Variants in SETD3 observed in about 807,000 individuals in gnomAD.
SETD3 encodes actin-histidine N-methyltransferase.
A neutral mutation model predicts 63.0 loss-of-function variants in SETD3; 19 were observed. The ratio of observed to expected loss-of-function variants is 0.30; its 90% confidence interval spans 0.21 to 0.44. SETD3 has a LOEUF of 0.44. Ranked by LOEUF, SETD3 falls within the 20% of genes least tolerant of loss-of-function variation. The pLI, the probability that SETD3 is intolerant of heterozygous loss-of-function variation, is 1.00. For synonymous variants in SETD3, 286 were observed against 264.1 expected (o/e 1.08, Z -0.80); for missense variants, 587 against 728.5 (o/e 0.81, Z 2.24).
At chr14:99,452,692 T>G (rs971892822) in intron 6 of SETD3, among the ~76,000 whole-genome samples, 3 of 152,194 alleles carry the variant, frequency 2.0e-5, no homozygotes, top group African/African-American at 7.2e-5. Context: ...TAAGGTTGAA[T>G]GGACTATTAT....
chr14:99,446,594 C>A (rs771126028), intron 6 of SETD3, among the ~76,000 whole-genome samples: 1 of 152,136 alleles, frequency 6.6e-6, no homozygotes, highest in Non-Finnish European at 1.5e-5. Context: ...CAAACACCTG[C>A]GTCACAGGTA....
At chr14:99,460,702 A>G (rs1290774383) in intron 4 of SETD3, among the ~76,000 whole-genome samples, 1 of 152,184 alleles carries the variant, frequency 6.6e-6, no homozygotes, top group Non-Finnish European at 1.5e-5. Context: ...GGGGAGAAAA[A>G]GCCCTTCTTC....
intron 6 of SETD3, among the ~76,000 whole-genome samples, chr14:99,425,672 G>GA (rs1892841710): frequency 6.6e-6 from 1 of 152,238 alleles, no homozygotes; most frequent in Non-Finnish European, 1.5e-5. Context: ...TTAAGTGTCA[G>GA]AAAATAGCAA....
At chr14:99,449,704 T>C (rs1894349940) in intron 6 of SETD3, among the ~76,000 whole-genome samples, 1 of 152,184 alleles carries the variant, frequency 6.6e-6, no homozygotes, top group African/African-American at 2.4e-5. Context: ...ACAACACTGG[T>C]GAAATTCAAA....
intron 11 of SETD3, among the ~76,000 whole-genome samples, 160 bp from the exon 12 acceptor site, chr14:99,400,419 G>A (rs570924770): frequency 6.6e-6 from 1 of 152,210 alleles, no homozygotes; most frequent in African/African-American, 2.4e-5. Flanking sequence ...ACTCTCCAAA[G>A]TAGAGCAGAG....
At chr14:99,475,530 T>C (rs149065611) in intron 1 of SETD3, among the ~76,000 whole-genome samples, 55 of 152,384 alleles carry the variant, frequency 3.6e-4, no homozygotes, top group African/African-American at 1.3e-3. Flanking sequence ...TGCAGAGAAG[T>C]TCACCATCCT....
upstream of SETD3, among the ~76,000 whole-genome samples, chr14:99,485,484 C>G (rs1896461742): frequency 6.6e-6 from 1 of 152,144 alleles, no homozygotes; most frequent in African/African-American, 2.4e-5. Flanking sequence ...AAAGAGCTTT[C>G]TTTCTAAGGT....
In SETD3 at chr14:99,397,880, CTG is replaced by C. The variant is rs759096013; in HGVS notation, c.*797_*798del. The C allele has an allele frequency of 6.5e-6, 1 of 152,710 alleles. No individual in the cohort carries two copies. The highest frequency in any genetic ancestry group is 2.1e-4 in the South Asian group (1 of 4,820). The allele number at this position is 152,710 out of a possible 1,614,324, so 9.5% of individuals were successfully genotyped here. On this transcript the variant is annotated 3_prime_UTR_variant, in exon 13 of 13. Transcript: ENST00000331768. Reference sequence around the variant, plus strand: ...CACCACCACGTGAAGCTGTGGGCCGCTGTGTGTTTGCAAACTCTCCATTACCA... The same window carrying C: ...CACCACCACGTGAAGCTGTGGGCCGCTGTGTTTGCAAACTCTCCATTACCA...
intron 6 of SETD3, among the ~76,000 whole-genome samples, chr14:99,432,667 G>C (rs766632024): frequency 7.9e-5 from 12 of 152,194 alleles, no homozygotes. Flanking sequence ...GGATGCAGAC[G>C]TAACAGTGAC....
At chr14:99,425,180 C>A (rs944943495) in intron 6 of SETD3, among the ~76,000 whole-genome samples, 5 of 152,204 alleles carry the variant, frequency 3.3e-5, no homozygotes, top group African/African-American at 1.2e-4. Context: ...TGCACTGGCA[C>A]ACAAAATAAC....
intron 6 of SETD3, among the ~76,000 whole-genome samples, chr14:99,456,068 A>AC (rs1894741914): frequency 2.0e-5 from 3 of 152,172 alleles, no homozygotes; most frequent in Non-Finnish European, 4.4e-5. Context: ...AGGTGGGAGG[A>AC]TTGCTTGAGC....
chr14:99,443,049 T>C (rs1254241075), intron 6 of SETD3, among the ~76,000 whole-genome samples: 2 of 152,140 alleles, frequency 1.3e-5, no homozygotes, highest in African/African-American at 2.4e-5. Context: ...TATCTTCTGA[T>C]AGGGAGAGTT....
intron 6 of SETD3, among the ~76,000 whole-genome samples, chr14:99,434,823 G>A (rs1157584017): frequency 1.5e-5 from 2 of 129,744 alleles, no homozygotes; most frequent in African/African-American, 6.6e-5. Flanking sequence ...CTCCAGCCTG[G>A]GCAACAAGAG....
chr14:99,437,179 A>C (rs747180265), intron 6 of SETD3, among the ~76,000 whole-genome samples: 5 of 152,238 alleles, frequency 3.3e-5, no homozygotes, highest in Non-Finnish European at 5.9e-5. Flanking sequence ...CGGAGGATTC[A>C]GTGGAATTGT....
intron 12 of SETD3, 86 bp downstream of exon 12, chr14:99,400,012 AT>A: frequency 8.0e-7 from 1 of 1,255,468 alleles, no homozygotes; most frequent in Non-Finnish European, 1.1e-6. Flanking sequence ...AAGTGCTGGG[AT>A]TACAGGCGTG....
intron 8 of SETD3, chr14:99,410,202 G>T (rs1238407799): frequency 1.2e-6 from 2 of 1,613,512 alleles, no homozygotes; most frequent in Non-Finnish European, 1.7e-6. Context: ...AAGAGCGAAG[G>T]AATCTTCTGG....
At chr14:99,485,751 T>C (rs1365685494), upstream of SETD3, among the ~76,000 whole-genome samples, 1 of 152,132 alleles carries the variant, frequency 6.6e-6, no homozygotes, top group Non-Finnish European at 1.5e-5. Context: ...TCCCAGCTAC[T>C]CAGGAGGCTG....
Position 99,398,572 on chromosome 14 carries a change from T to C in SETD3, c.*107A>G. The C allele has an allele frequency of 9.3e-7, 1 of 1,075,736 alleles. No individual in the cohort carries two copies. Among genetic ancestry groups the C allele is most frequent in the Non-Finnish European group, 1.3e-6 (1 of 746,618 alleles). 66.6% of individuals were successfully genotyped at this position (1,075,736 alleles called of 1,614,324 possible). Reference sequence around the variant, plus strand: ...TTTTATATAAAGCAGCAAAAACATATCTTCCTCTCTGCAGAAAGAAAAATG... The same window carrying C: ...TTTTATATAAAGCAGCAAAAACATACCTTCCTCTCTGCAGAAAGAAAAATG... On this transcript the variant is annotated 3_prime_UTR_variant, in exon 13 of 13. Transcript: ENST00000331768.
intron 1 of SETD3, among the ~76,000 whole-genome samples, chr14:99,475,809 G>A (rs962682985): frequency 1.3e-5 from 2 of 152,124 alleles, no homozygotes; most frequent in African/African-American, 4.8e-5. Flanking sequence ...CCTCATTCCT[G>A]CACATTTCCT....
Sources: allele counts gnomAD v4.1 joint callset (sites outside exome capture counted in the v4.1 genomes callset), GRCh38; gene constraint gnomAD v4.1.1; transcripts MANE v1.5; gene names NCBI Gene and HGNC (gene_info 2026-07-23, HGNC 2026-07-21).